FXN: variants seen among roughly 807,000 people sequenced by gnomAD.
FXN encodes the protein frataxin.
Under a neutral mutation model 22.4 loss-of-function variants are expected in FXN, and 14 were observed. The observed-to-expected ratio is 0.62, with a 90% CI of 0.41 to 0.98. The LOEUF is 0.98. Among genes scored for constraint, FXN ranks in the 50% least tolerant of loss-of-function variants. The pLI, the probability that FXN is intolerant of heterozygous loss-of-function variation, is 0.00. For missense variants in FXN, 267 were observed against 268.4 expected, an observed-to-expected ratio of 0.99 and a Z score of 0.04; for synonymous variants, 120 against 114.1, an observed-to-expected ratio of 1.05 and a Z score of -0.33.
At chr9:69,039,023 T>G (rs1044775087) in intron 1 of FXN, among the ~76,000 whole-genome samples, 2 of 151,778 alleles carry the variant, frequency 1.3e-5, no homozygotes, top group African/African-American at 4.8e-5. Context: ...GAGGCTGAGA[T>G]GGGCGGATCA....
intron 1 of FXN, among the ~76,000 whole-genome samples, chr9:69,042,523 G>A (rs1831676452): frequency 6.6e-6 from 1 of 152,168 alleles, no homozygotes; most frequent in Non-Finnish European, 1.5e-5. Flanking sequence ...AGTTGCCCGA[G>A]GAATATTAAA....
intron 4 of FXN, chr9:69,071,159 G>A: frequency 1.9e-6 from 1 of 518,904 alleles, no homozygotes; most frequent in South Asian, 1.4e-5. Flanking sequence ...GGTTACTCAG[G>A]CTCTGCCTGG....
chr9:69,078,864 T>G lies in FXN; in HGVS notation c.*6102T>G. 1 of 985,740 alleles carries G rather than the reference T, an allele frequency of 1.0e-6. No individual in the cohort carries two copies. Among genetic ancestry groups the G allele is most frequent in the Non-Finnish European group, 1.2e-6 (1 of 830,136 alleles). 61.1% of individuals were successfully genotyped at this position (985,740 alleles called of 1,614,324 possible). A position where few individuals can be genotyped will look rare whatever the true frequency, so the allele number is the denominator to read the frequency against. On this transcript the variant is annotated 3_prime_UTR_variant, in exon 5 of 5. Coordinates refer to ENST00000484259, the MANE Select transcript of FXN (RefSeq NM_000144.5). ...ATTGTTCCATGTCCTCAGCATACCATGTTTGTCTTTCCCAGCACTGACCTA... is the reference window on the plus strand; with the variant it reads ...ATTGTTCCATGTCCTCAGCATACCAGGTTTGTCTTTCCCAGCACTGACCTA...
chr9:69,071,446 CT>C (rs1323036429), intron 4 of FXN, among the ~76,000 whole-genome samples: 9 of 152,214 alleles, frequency 5.9e-5, no homozygotes, highest in Non-Finnish European at 8.8e-5. Flanking sequence ...TTCTTCTGGG[CT>C]CCCATGCACT....
Position 69,053,070 on chromosome 9 carries a change from G to A in FXN, c.264-70G>A, listed in dbSNP as rs7865353. 595,207 of 1,442,158 alleles carry A rather than the reference G, an allele frequency of 0.41. 124,616 individuals are homozygous for A. Among genetic ancestry groups the A allele is most frequent in the Non-Finnish European group, 0.42 (446,266 of 1,057,248 alleles). The allele number at this position is 1,442,158 out of a possible 1,614,324, so 89.3% of individuals were successfully genotyped here. A position where few individuals can be genotyped will look rare whatever the true frequency, so the allele number is the denominator to read the frequency against. ...AATTTAATGAATTTAAATAACAAAT[G>A]TATAAATTTGATATTAATAAAATGG... On this transcript the variant is annotated intron_variant, in intron 2 of 4. Coordinates refer to ENST00000484259, the MANE Select transcript of FXN (RefSeq NM_000144.5).
chr9:69,073,697 C>G lies in FXN; in HGVS notation c.*935C>G. On this transcript the variant is annotated 3_prime_UTR_variant, in exon 5 of 5. Coordinates refer to ENST00000484259, the MANE Select transcript of FXN (RefSeq NM_000144.5). ...CCAAATTCCCTGGACCTCTGCTTCC[C>G]CATCTGTTAAATGAGAGAATAGAGT... The G allele has an allele frequency of 1.0e-6, 1 of 985,340 alleles. No individual in the cohort carries two copies. The highest frequency in any genetic ancestry group is 1.2e-6 in the Non-Finnish European group (1 of 829,910). The allele number at this position is 985,340 out of a possible 1,614,324, so 61.0% of individuals were successfully genotyped here.
chr9:69,075,928 C>A lies in FXN; in HGVS notation c.*3166C>A. 1 of 751,266 alleles carries A rather than the reference C, an allele frequency of 1.3e-6. No individual in the cohort carries two copies. Among genetic ancestry groups the A allele is most frequent in the Non-Finnish European group, 1.6e-6 (1 of 617,148 alleles). 46.5% of individuals were successfully genotyped at this position (751,266 alleles called of 1,614,324 possible). ...CCATGTTGCCCAGGCTGGTCTCTAA[C>A]ACTTAGGCTCAAGTGATCCACCTGC... On this transcript the variant is annotated 3_prime_UTR_variant, in exon 5 of 5. Coordinates refer to ENST00000484259, the MANE Select transcript of FXN (RefSeq NM_000144.5).
Position 69,035,766 on chromosome 9 carries a change from G to A in FXN, c.-17G>A. ...CCCAGCGCTGGAGGGCGGAGCGGGC[G>A]GCAGACCCGGAGCAGCATGTGGACT... On this transcript the variant is annotated 5_prime_UTR_variant, in exon 1 of 5. Transcript: ENST00000484259. 2.0e-6 allele frequency: 3 copies of A among 1,497,440 alleles called. No individual in the cohort carries two copies. Among genetic ancestry groups the A allele is most frequent in the African/African-American group, 1.4e-5 (1 of 69,634 alleles). The allele number at this position is 1,497,440 out of a possible 1,614,324, so 92.8% of individuals were successfully genotyped here. A position where few individuals can be genotyped will look rare whatever the true frequency, so the allele number is the denominator to read the frequency against.
Position 69,076,449 on chromosome 9 carries a change from T to A in FXN, c.*3687T>A. The A allele has an allele frequency of 1.0e-6, 1 of 985,464 alleles. No individual in the cohort carries two copies. The highest frequency in any genetic ancestry group is 1.2e-6 in the Non-Finnish European group (1 of 829,922). The allele number at this position is 985,464 out of a possible 1,614,324, so 61.0% of individuals were successfully genotyped here. ...TCAGTTTACTTAACTTCGTATTAGA[T>A]TCTGATTCCCTGGAACCATTTATCG... On this transcript the variant is annotated 3_prime_UTR_variant, in exon 5 of 5. Transcript: ENST00000484259.
chr9:69,037,146 G>A (rs1308422660), intron 1 of FXN, among the ~76,000 whole-genome samples: 1 of 151,858 alleles, frequency 6.6e-6, no homozygotes, highest in Non-Finnish European at 1.5e-5. Flanking sequence ...TTTCCTGGCA[G>A]GACGCGGTGG....
chr9:69,037,564 C>T (rs1831587095), intron 1 of FXN, among the ~76,000 whole-genome samples: 1 of 152,230 alleles, frequency 6.6e-6, no homozygotes. Context: ...TAGATCTCCT[C>T]TAGGAAAGCA....
chr9:69,072,899 TC>T lies in FXN; in HGVS notation c.*138del. 6.5e-7 allele frequency: 1 copy of T among 1,539,924 alleles called. No homozygotes were observed. The highest frequency in any genetic ancestry group is 8.7e-7 in the Non-Finnish European group (1 of 1,148,872). On this transcript the variant is annotated 3_prime_UTR_variant, in exon 5 of 5. Transcript: ENST00000484259. ...CTTTTGAGGACAGTTGGGCTATGTG[TC>T]ACAGCTCTGTAGAAAGAATGTGTTG...
At chr9:69,070,292 AGT>A (rs1832251010) in intron 4 of FXN, among the ~76,000 whole-genome samples, 1 of 152,136 alleles carries the variant, frequency 6.6e-6, no homozygotes, top group Non-Finnish European at 1.5e-5. Flanking sequence ...CCATTGAGAG[AGT>A]GCTCCAGGCA....
chr9:69,049,504 CT>C (rs1831815653), intron 2 of FXN, among the ~76,000 whole-genome samples: 1 of 152,160 alleles, frequency 6.6e-6, no homozygotes, highest in South Asian at 2.1e-4. Flanking sequence ...CTAGCAGCCC[CT>C]GGTGTCTTAC....
chr9:69,056,079 A>G (rs1319293388), intron 3 of FXN, among the ~76,000 whole-genome samples: 3 of 151,838 alleles, frequency 2.0e-5, no homozygotes, highest in East Asian at 3.9e-4. Context: ...GGGTCTCGCT[A>G]TGTTTCCCAG....
chr9:69,039,728 G>C (rs1032377369), intron 1 of FXN, among the ~76,000 whole-genome samples: 1 of 152,198 alleles, frequency 6.6e-6, no homozygotes, highest in African/African-American at 2.4e-5. Flanking sequence ...ACCGGAGACA[G>C]CTTCGAGAAG....
Position 69,077,533 on chromosome 9 carries a change from G to A in FXN, c.*4771G>A, listed in dbSNP as rs1465386584. The A allele has an allele frequency of 1.3e-5, 13 of 985,332 alleles. No homozygotes were observed. The highest frequency in any genetic ancestry group is 1.6e-5 in the Non-Finnish European group (13 of 829,950). 61.0% of individuals were successfully genotyped at this position (985,332 alleles called of 1,614,324 possible). A position where few individuals can be genotyped will look rare whatever the true frequency, so the allele number is the denominator to read the frequency against. On this transcript the variant is annotated 3_prime_UTR_variant, in exon 5 of 5. Transcript: ENST00000484259. ...TCCTGTGGAAAGTCAGACCTCTGAG[G>A]CCCCATCCAGGTAGAAGTACTAGTG...
rs1006114698 is a variant in FXN, at chr9:69,074,407, A to G, written c.*1645A>G. On this transcript the variant is annotated 3_prime_UTR_variant, in exon 5 of 5. Transcript: ENST00000484259. The stretch of plus-strand genomic sequence containing the variant: ...TTAGTGGCTGGGCATGGTGGCGTGC[A>G]CCTGTAATCCCAGGTACTCAGGAGG... 1.0e-6 allele frequency: 1 copy of G among 983,050 alleles called. No individual in the cohort carries two copies. Among genetic ancestry groups the G allele is most frequent in the Admixed American group, 6.2e-5 (1 of 16,218 alleles). 60.9% of individuals were successfully genotyped at this position (983,050 alleles called of 1,614,324 possible). A position where few individuals can be genotyped will look rare whatever the true frequency, so the allele number is the denominator to read the frequency against.
At chr9:69,071,325 G>A (rs1384299782) in intron 4 of FXN, 1 of 518,482 alleles carries the variant, frequency 1.9e-6, no homozygotes, top group Non-Finnish European at 3.9e-6. Context: ...GGTTGATAAT[G>A]CAGGAATCCT....
Sources: gnomAD v4.1 joint callset for allele counts (sites outside exome capture counted in the v4.1 genomes callset) on GRCh38, gnomAD v4.1.1 for gene constraint, MANE v1.5 for transcripts, NCBI Gene and HGNC (gene_info 2026-07-23, HGNC 2026-07-21) for gene names.